The following HMGCL variants were observed in gnomAD, a reference collection of about 807,000 sequenced individuals.
HMGCL encodes the protein 3-hydroxy-3-methylglutaryl-CoA lyase.
In HMGCL, 26 loss-of-function variants were observed where a neutral mutation model predicts 37.3. That is an observed-to-expected ratio of 0.70 (90% confidence interval 0.51 to 0.97). The LOEUF (loss-of-function observed/expected upper bound fraction) is 0.97, where lower values mean the gene tolerates loss of function less well. Among genes scored for constraint, HMGCL ranks in the 50% least tolerant of loss-of-function variants. The probability of loss-of-function intolerance (pLI) is 0.00; values close to 1 mark genes in which losing one functional copy is unlikely to be tolerated. For synonymous variants in HMGCL, 151 were observed against 148.0 expected, an observed-to-expected ratio of 1.02 and a Z score of -0.15; for missense variants, 379 against 398.1, an observed-to-expected ratio of 0.95 and a Z score of 0.41.
At chr1:23,818,213 C>T (rs1436027514) in intron 2 of HMGCL, among the ~76,000 whole-genome samples, 2 of 152,224 alleles carry the variant, frequency 1.3e-5, no homozygotes, top group East Asian at 3.8e-4. Context: ...AATCCCAGCA[C>T]TTTGGGAGGC....
chr1:23,810,796 G>T lies in HMGCL; in HGVS notation c.501C>A (p.Tyr167Ter), dbSNP rs200189529. ...AAGGGCAGCCAAGAGCACAGGAGAC[G>T]TACCTGTGGGAAGACAGGGGAGGAA... ...AQSANISVRG[Y>*]VSCALGCPYE... Residue 167 changes from tyrosine (Y) to a stop codon, truncating the protein, a stop_gained, in exon 6 of 9, where the codon TAC becomes TAA. Transcript: ENST00000374490. LOFTEE classifies it high-confidence loss of function. 2 of 1,613,142 alleles carry T rather than the reference G, an allele frequency of 1.2e-6. No homozygotes were observed. Among genetic ancestry groups the T allele is most frequent in the Non-Finnish European group, 1.7e-6 (2 of 1,179,170 alleles).
At chr1:23,824,199 A>C (rs1638775038) in intron 1 of HMGCL, among the ~76,000 whole-genome samples, 1 of 152,230 alleles carries the variant, frequency 6.6e-6, no homozygotes, top group Non-Finnish European at 1.5e-5. Context: ...ACCCAGTGTT[A>C]AACTACAGGC....
At position 23,801,956 on chromosome 1, in the gene HMGCL, A is replaced by G. The variant is rs74062787; in HGVS notation, c.*507T>C. 1.7e-3 allele frequency: 706 copies of G among 422,250 alleles called. 5 individuals carry two copies. Among genetic ancestry groups the G allele is most frequent in the African/African-American group, 0.012 (577 of 49,486 alleles). 26.2% of individuals were successfully genotyped at this position (422,250 alleles called of 1,614,324 possible). A position where few individuals can be genotyped will look rare whatever the true frequency, so the allele number is the denominator to read the frequency against. ...ATCACATTCAGCGTGGAGATTTTCCAGAGATGCTGGAGTTGGCAGACGGCC... is the reference window on the plus strand; with the variant it reads ...ATCACATTCAGCGTGGAGATTTTCCGGAGATGCTGGAGTTGGCAGACGGCC... On this transcript the variant is annotated 3_prime_UTR_variant, in exon 9 of 9. Transcript: ENST00000374490.
chr1:23,821,706 T>G (rs1638724760), intron 1 of HMGCL, among the ~76,000 whole-genome samples: 1 of 151,928 alleles, frequency 6.6e-6, no homozygotes, highest in Non-Finnish European at 1.5e-5. Context: ...GCTTTCCAAT[T>G]AAGAAAAGAA....
chr1:23,820,950 G>T lies in HMGCL; in HGVS notation c.61-357C>A, dbSNP rs1319117754. On this transcript the variant is annotated intron_variant, in intron 1 of 8. Transcript: ENST00000374490. ...TCCATCCTTTCCATCTCTGTCAAAG[G>T]CATCGCATGTACCCTACTGCATAAG... Among the ~76,000 whole-genome samples the T allele has an allele frequency of 2.0e-5, 3 of 152,098 alleles. No individual in the cohort carries two copies. In the East Asian group the frequency reaches 5.8e-4, roughly 29 times the overall value.
In HMGCL at chr1:23,820,530, C is replaced by G; in HGVS notation, c.124G>C (p.Asp42His). The change falls in exon 2 of 9, where the codon GAT (aspartate) becomes CAT (histidine). Residue 42 changes from aspartate to histidine, a missense_variant. Transcript: ENST00000374490. ...RVKIVEVGPRDGLQNEKNIVS... is the reference protein window; with the variant it reads ...RVKIVEVGPRHGLQNEKNIVS... ...TTTACCTTTTCATTTTGTAGTCCATCTCGGGGACCAACTTCCACAATTTTC... is the reference window on the plus strand; with the variant it reads ...TTTACCTTTTCATTTTGTAGTCCATGTCGGGGACCAACTTCCACAATTTTC... 6.2e-7 allele frequency: 1 copy of G among 1,613,914 alleles called. No individual in the cohort carries two copies. The highest frequency in any genetic ancestry group is 1.3e-5 in the African/African-American group (1 of 75,024).
chr1:23,808,523 AGAGCCAGCCGCTG>A (rs1387637695), intron 6 of HMGCL, among the ~76,000 whole-genome samples, 200 bp from the exon 7 acceptor site: 2 of 152,200 alleles, frequency 1.3e-5, no homozygotes, highest in East Asian at 3.9e-4. Flanking sequence ...CGTAAGGGGC[AGAGCCAGCCGCTG>A]GAGCCAGCCC....
chr1:23,817,603 A>G lies in HMGCL; in HGVS notation c.145-20T>C. 6.8e-7 allele frequency: 1 copy of G among 1,468,830 alleles called. No homozygotes were observed. The highest frequency in any genetic ancestry group is 9.5e-7 in the Non-Finnish European group (1 of 1,048,904). 91.0% of individuals were successfully genotyped at this position (1,468,830 alleles called of 1,614,324 possible). A position where few individuals can be genotyped will look rare whatever the true frequency, so the allele number is the denominator to read the frequency against. Reference sequence around the variant, plus strand: ...GATATTCTATAGTGGAGAGAGAAACACCAAGGCAGCAAAGTTAGTAACAAA... The same window carrying G: ...GATATTCTATAGTGGAGAGAGAAACGCCAAGGCAGCAAAGTTAGTAACAAA... On this transcript the variant is annotated intron_variant, in intron 2 of 8. Coordinates refer to ENST00000374490, the MANE Select transcript of HMGCL (RefSeq NM_000191.3).
intron 1 of HMGCL, among the ~76,000 whole-genome samples, chr1:23,821,761 C>T (rs772698036): frequency 1.1e-4 from 16 of 152,110 alleles, no homozygotes; most frequent in South Asian, 2.1e-4. Context: ...AATCATCACT[C>T]GCCCCTACTG....
chr1:23,803,820 C>A (rs1207807593), intron 8 of HMGCL: 1 of 153,122 alleles, frequency 6.5e-6, no homozygotes, highest in Non-Finnish European at 1.5e-5. Context: ...TCCGTCCCGC[C>A]ACTGAGGGCC....
intron 1 of HMGCL, among the ~76,000 whole-genome samples, chr1:23,823,618 G>T (rs1183221035): frequency 1.3e-5 from 2 of 152,058 alleles, no homozygotes; most frequent in Admixed American, 1.3e-4. Flanking sequence ...CTCCCAAAGT[G>T]CTAGGATTAT....
At chr1:23,819,302 A>G (rs775195134) in intron 2 of HMGCL, among the ~76,000 whole-genome samples, 13 of 152,212 alleles carry the variant, frequency 8.5e-5, no homozygotes, top group Non-Finnish European at 1.8e-4. Context: ...CCACATGGGT[A>G]TAGTGGCCAC....
chr1:23,807,609 G>T (rs1341737227), intron 7 of HMGCL, among the ~76,000 whole-genome samples: 1 of 152,132 alleles, frequency 6.6e-6, no homozygotes, highest in Non-Finnish European at 1.5e-5. Flanking sequence ...AATCTGTGGG[G>T]AACGGCATTA....
chr1:23,817,358 G>C (rs1225400500), intron 3 of HMGCL, 118 bp downstream of exon 3: 1 of 691,190 alleles, frequency 1.4e-6, no homozygotes, highest in Non-Finnish European at 2.6e-6. Flanking sequence ...TGAATCACCT[G>C]AGACCTCTCA....
rs1638698507 is a variant in HMGCL at position 23,820,504 on chromosome 1, C to CT, written c.144+5dup. The stretch of plus-strand genomic sequence containing the variant: ...AACTGTTTTTTTGGCTCATTTCCAA[C>CT]TTTACCTTTTCATTTTGTAGTCCAT... On this transcript the variant is annotated splice_donor_region_variant and intron_variant, in intron 2 of 8. Coordinates refer to ENST00000374490, the MANE Select transcript of HMGCL (RefSeq NM_000191.3). The CT allele has an allele frequency of 9.9e-6, 16 of 1,610,352 alleles. No homozygotes were observed. Among genetic ancestry groups the CT allele is most frequent in the Non-Finnish European group, 1.4e-5 (16 of 1,176,562 alleles).
At chr1:23,814,109 G>T in intron 5 of HMGCL, 81 bp downstream of exon 5, 1 of 1,497,496 alleles carries the variant, frequency 6.7e-7, no homozygotes, top group Non-Finnish European at 9.3e-7. Flanking sequence ...AGAAGTTTGT[G>T]GCAGGAGGAC....
At chr1:23,815,483 C>T (rs572343263) in intron 4 of HMGCL, among the ~76,000 whole-genome samples, 12 of 151,472 alleles carry the variant, frequency 7.9e-5, no homozygotes, top group Non-Finnish European at 1.6e-4. Context: ...ATTTGTAGTG[C>T]TTTCTTTTTT....
chr1:23,810,548 C>G (rs1027962018), intron 6 of HMGCL, 188 bp downstream of exon 6: 5 of 617,290 alleles, frequency 8.1e-6, no homozygotes, highest in Middle Eastern at 4.3e-4. Flanking sequence ...ACTACATGTT[C>G]GGCTAGGAGG....
chr1:23,803,676 G>C lies in HMGCL; in HGVS notation c.876+724C>G, dbSNP rs1047723656. On this transcript the variant is annotated intron_variant, in intron 8 of 8. Coordinates refer to ENST00000374490, the MANE Select transcript of HMGCL (RefSeq NM_000191.3). Reference sequence around the variant, plus strand: ...ATCCTCACAATGGCTCCATGAGATGGATGGCATTATTATTCCCATTTCTTA... The same window carrying C: ...ATCCTCACAATGGCTCCATGAGATGCATGGCATTATTATTCCCATTTCTTA... 3 of 152,304 alleles carry C rather than the reference G, an allele frequency of 2.0e-5. No individual in the cohort carries two copies. The South Asian group carries it at 6.2e-4, about 31-fold the overall frequency. 9.4% of individuals were successfully genotyped at this position (152,304 alleles called of 1,614,324 possible).
Sources: gnomAD v4.1 joint callset for allele counts (sites outside exome capture counted in the v4.1 genomes callset) on GRCh38, gnomAD v4.1.1 for gene constraint, MANE v1.5 for transcripts, NCBI Gene and HGNC (gene_info 2026-07-23, HGNC 2026-07-21) for gene names.